The following IFT122 variants were observed in gnomAD, a reference collection of about 807,000 sequenced individuals.
IFT122 encodes the protein intraflagellar transport protein 122 homolog.
IFT122 carries 118 observed loss-of-function variants against 161.6 expected under a neutral mutation model. That is an observed-to-expected ratio of 0.73 (90% CI 0.63 to 0.85). The LOEUF is 0.85. Among genes scored for constraint, IFT122 ranks in the 40% least tolerant of loss-of-function variants. The pLI is 0.00. For missense variants in IFT122, 1,381 were observed against 1,579.6 expected, an observed-to-expected ratio of 0.87 and a Z score of 2.13; for synonymous variants, 550 against 602.4, an observed-to-expected ratio of 0.91 and a Z score of 1.27.
intron 5 of IFT122, chr3:129,463,257 TGAC>T: frequency 2.8e-6 from 1 of 357,156 alleles, no homozygotes; most frequent in Non-Finnish European, 5.4e-6. Context: ...GCCATCAGCG[TGAC>T]ACAGAACTAA....
intron 27 of IFT122, among the ~76,000 whole-genome samples, chr3:129,518,781 C>G (rs1452962984): frequency 2.0e-5 from 3 of 152,204 alleles, no homozygotes; most frequent in Non-Finnish European, 2.9e-5. Flanking sequence ...TGCCCGCAGA[C>G]CCCCAGCAGC....
chr3:129,474,492 G>A (rs933616631), intron 9 of IFT122, among the ~76,000 whole-genome samples: 1 of 152,318 alleles, frequency 6.6e-6, no homozygotes, highest in African/African-American at 2.4e-5. Context: ...GACAACGAGA[G>A]AAGTGCAATG....
At position 129,520,329 on chromosome 3, in the gene IFT122, A is replaced by C; in HGVS notation, c.*64A>C. 8.0e-7 allele frequency: 1 copy of C among 1,248,824 alleles called. No homozygotes were observed. Among genetic ancestry groups the C allele is most frequent in the Non-Finnish European group, 1.1e-6 (1 of 874,318 alleles). 77.4% of individuals were successfully genotyped at this position (1,248,824 alleles called of 1,614,324 possible). ...TGGGGTCTGCTGGGCTGTGAAGGAG[A>C]ATAAAGAGTTAAACTGTCAGAATGT... On this transcript the variant is annotated 3_prime_UTR_variant, in exon 30 of 30. Transcript: ENST00000348417.
chr3:129,461,670 C>A (rs2076228594), intron 5 of IFT122, among the ~76,000 whole-genome samples: 1 of 152,228 alleles, frequency 6.6e-6, no homozygotes, highest in Non-Finnish European at 1.5e-5. Flanking sequence ...CAGTTGTCCT[C>A]ACCTTTGTAT....
At chr3:129,491,331 A>T (rs1285446282) in intron 16 of IFT122, among the ~76,000 whole-genome samples, 1 of 152,198 alleles carries the variant, frequency 6.6e-6, no homozygotes, top group African/African-American at 2.4e-5. Flanking sequence ...CCCATTTTGA[A>T]TGGGGCAATA....
intron 26 of IFT122, among the ~76,000 whole-genome samples, chr3:129,517,206 C>CA (rs199904095): frequency 2.7e-5 from 4 of 145,620 alleles, no homozygotes; most frequent in Non-Finnish European, 6.0e-5. Context: ...CACACACACA[C>CA]AGACTGCCCC....
intron 18 of IFT122, 42 bp downstream of exon 18, chr3:129,495,649 C>T: frequency 6.2e-7 from 1 of 1,608,728 alleles, no homozygotes; most frequent in Non-Finnish European, 8.5e-7. Context: ...GCTTGGAGCC[C>T]ACTGGTATTC....
chr3:129,498,517 C>T (rs1334591590), intron 18 of IFT122, among the ~76,000 whole-genome samples: 1 of 152,204 alleles, frequency 6.6e-6, no homozygotes, highest in African/African-American at 2.4e-5. Flanking sequence ...GAACCAAAGG[C>T]CAGCCAGGGG....
chr3:129,505,495 T>A (rs2082100733), intron 21 of IFT122, among the ~76,000 whole-genome samples: 1 of 152,228 alleles, frequency 6.6e-6, no homozygotes, highest in Non-Finnish European at 1.5e-5. Flanking sequence ...GCAAAACACA[T>A]CAACCTATCC....
rs977549771 is a variant in IFT122, at chr3:129,458,634, GTTA to G, written c.234_236del (p.Ile79del). The G allele has an allele frequency of 3.1e-6, 5 of 1,614,090 alleles. No individual in the cohort carries two copies. Among genetic ancestry groups the G allele is most frequent in the African/African-American group, 2.7e-5 (2 of 75,052 alleles). On this transcript the variant is annotated inframe_deletion, in exon 4 of 30. Coordinates refer to ENST00000348417, the MANE Select transcript of IFT122 (RefSeq NM_052989.3). Reference sequence around the variant, plus strand: ...TGCTTCTGGATCAGCTGACAAAAGCGTTATTATCTGGACATCAAAACTGGAAGG... The same window carrying G: ...TGCTTCTGGATCAGCTGACAAAAGCGTTATCTGGACATCAAAACTGGAAGG...
chr3:129,499,771 C>G, intron 18 of IFT122, 131 bp from the exon 19 acceptor site: 1 of 1,050,218 alleles, frequency 9.5e-7, no homozygotes, highest in South Asian at 1.3e-5. Flanking sequence ...CCCCTCAGGG[C>G]CGGGCCCTGC....
Position 129,476,388 on chromosome 3 carries a change from T to C in IFT122, c.890T>C (p.Leu297Pro). The C allele has an allele frequency of 6.2e-7, 1 of 1,614,136 alleles. No homozygotes were observed. Among genetic ancestry groups the C allele is most frequent in the Non-Finnish European group, 8.5e-7 (1 of 1,180,022 alleles). The change falls in exon 10 of 30, where the codon CTG becomes CCG. Residue 297 changes from leucine (L) to proline (P), a missense_variant. Physicochemically the swap from Leu to Pro is moderately conservative, Grantham distance 98. Transcript: ENST00000348417. ...SYFTKGEYIL[L>P]GGSDKQVSLF... ...TTTACTAAAGGCGAGTACATTTTGC[T>C]GGGGGGTTCAGACAAGCAAGTATCT...
intron 1 of IFT122, among the ~76,000 whole-genome samples, chr3:129,449,067 T>C (rs1301753845): frequency 2.0e-5 from 3 of 152,206 alleles, no homozygotes; most frequent in Non-Finnish European, 2.9e-5. Context: ...AATAATTTCT[T>C]GGGCTGCTTT....
intron 3 of IFT122, 132 bp downstream of exon 3, chr3:129,452,130 A>G (rs112672098): frequency 1.5e-5 from 11 of 718,538 alleles, no homozygotes; most frequent in Middle Eastern, 2.4e-4. Flanking sequence ...TGAAGTTGCT[A>G]AGACTTCAGT....
At chr3:129,457,636 TTCAG>T (rs1437450629) in intron 3 of IFT122, among the ~76,000 whole-genome samples, 1 of 152,144 alleles carries the variant, frequency 6.6e-6, no homozygotes. Context: ...AAAGGGTAGT[TTCAG>T]TCAGACAAAA....
At chr3:129,478,265 T>TC (rs58550262) in intron 12 of IFT122, 47 bp downstream of exon 12, 1,193 of 1,512,484 alleles carry the variant, frequency 7.9e-4, no homozygotes, top group Non-Finnish European at 9.3e-4. Context: ...CCATTTGTGC[T>TC]CCCCCCCCAG....
chr3:129,477,995 A>G lies in IFT122; in HGVS notation c.1148-21A>G, dbSNP rs1423957905. ...TACATAACAACCTCTTGCTAGAACTAGATATTTTTTTCTTTGACAGTTCGG... is the reference window on the plus strand; with the variant it reads ...TACATAACAACCTCTTGCTAGAACTGGATATTTTTTTCTTTGACAGTTCGG... On this transcript the variant is annotated intron_variant, in intron 11 of 29. Transcript: ENST00000348417. 5 of 1,603,620 alleles carry G rather than the reference A, an allele frequency of 3.1e-6. No individual in the cohort carries two copies. In the African/African-American group the frequency reaches 6.7e-5, roughly 21 times the overall value.
intron 1 of IFT122, 89 bp downstream of exon 1, chr3:129,440,460 G>T: frequency 1.4e-6 from 2 of 1,460,236 alleles, no homozygotes; most frequent in Non-Finnish European, 1.9e-6. Flanking sequence ...GGGGGGCAGC[G>T]GGCTTGCTGC....
Position 129,506,457 on chromosome 3 carries a change from A to G in IFT122, c.2699A>G (p.Gln900Arg). 1 of 1,614,254 alleles carries G rather than the reference A, an allele frequency of 6.2e-7. No homozygotes were observed. The highest frequency in any genetic ancestry group is 8.5e-7 in the Non-Finnish European group (1 of 1,180,050). ...RQREAVQVLEQLTNNAVAESR... is the reference protein window; with the variant it reads ...RQREAVQVLERLTNNAVAESR... ...AGAGAAGCGGTCCAGGTGCTGGAGCAGCTCACAAACAATGCCGTGGCGGAG... is the reference window on the plus strand; with the variant it reads ...AGAGAAGCGGTCCAGGTGCTGGAGCGGCTCACAAACAATGCCGTGGCGGAG... The change falls in exon 22 of 30, where the codon CAG becomes CGG. Residue 900 changes from glutamine to arginine, a missense_variant. By Grantham distance (43) the Gln-to-Arg change is conservative. Coordinates refer to ENST00000348417, the MANE Select transcript of IFT122 (RefSeq NM_052989.3).
Sources: gnomAD v4.1 joint callset for allele counts (sites outside exome capture counted in the v4.1 genomes callset) on GRCh38, gnomAD v4.1.1 for gene constraint, MANE v1.5 for transcripts, NCBI Gene and HGNC (gene_info 2026-07-23, HGNC 2026-07-21) for gene names.